Variants in PER3 observed in about 807,000 individuals in gnomAD.
The protein encoded by PER3 is period circadian protein homolog 3.
PER3 carries 107 observed loss-of-function variants against 127.2 expected under a neutral mutation model. The observed-to-expected ratio is 0.84, with a 90% CI of 0.72 to 0.99. The LOEUF (loss-of-function observed/expected upper bound fraction) is 0.99. PER3 is among the 50% of genes least tolerant of loss of function. The pLI is 0.00. For synonymous variants in PER3, 618 were observed against 585.8 expected (o/e 1.05, Z -0.79); for missense variants, 1,560 against 1,525.8 (o/e 1.02, Z -0.37).
At chr1:7,820,065 GC>G in intron 14 of PER3, 49 bp from the exon 15 acceptor site, 1 of 1,582,432 alleles carries the variant, frequency 6.3e-7, no homozygotes, top group Non-Finnish European at 8.6e-7. Flanking sequence ...GTGGGAAATG[GC>G]ACAATTAGGG....
chr1:7,836,940 C>T (rs565032955), intron 20 of PER3, 59 bp from the exon 21 acceptor site: 76 of 1,386,540 alleles, frequency 5.5e-5, no homozygotes, highest in African/African-American at 1.0e-4. Context: ...TCCTAGATGA[C>T]GGGAAAAGAA....
Position 7,819,346 on chromosome 1 carries a change from G to A in PER3, c.1584G>A (p.Glu528=), listed in dbSNP as rs1264829659. The A allele has an allele frequency of 8.1e-6, 13 of 1,613,480 alleles. No homozygotes were observed. Among genetic ancestry groups the A allele is most frequent in the Non-Finnish European group, 1.1e-5 (13 of 1,179,530 alleles). ...QTLKNNSVYT[E]PCEDLRNDEH... ...TGAAAAACAATAGTGTGTACACTGAGCCCTGTGAGGATTTGAGGAACGATG... is the reference window on the plus strand; with the variant it reads ...TGAAAAACAATAGTGTGTACACTGAACCCTGTGAGGATTTGAGGAACGATG... The change falls in exon 14 of 22, where the codon GAG becomes GAA. Residue 528 remains glutamate, a synonymous_variant. Coordinates refer to ENST00000377532, the MANE Select transcript of PER3 (RefSeq NM_001377275.1).
intron 21 of PER3, among the ~76,000 whole-genome samples, chr1:7,841,371 G>A (rs2097387306): frequency 6.6e-6 from 1 of 151,864 alleles, no homozygotes; most frequent in African/African-American, 2.4e-5. Flanking sequence ...CCTTTCCCAG[G>A]GCTTATTGAT....
intron 20 of PER3, 147 bp downstream of exon 20, chr1:7,836,092 G>A (rs2097357008): frequency 3.5e-6 from 2 of 572,548 alleles, no homozygotes; most frequent in African/African-American, 1.9e-5. Flanking sequence ...CCATCTCCTG[G>A]GTTCAAGCGA....
intron 16 of PER3, among the ~76,000 whole-genome samples, chr1:7,822,227 G>A (rs534354446): frequency 4.0e-5 from 6 of 151,364 alleles, no homozygotes; most frequent in Non-Finnish European, 8.8e-5. Context: ...GCAACATGGT[G>A]AGACTCTGTC....
intron 21 of PER3, among the ~76,000 whole-genome samples, chr1:7,838,427 G>A (rs1166910854): frequency 6.7e-6 from 1 of 149,586 alleles, no homozygotes; most frequent in Non-Finnish European, 1.5e-5. Context: ...CTTTTTTTTT[G>A]AGACAAAGTT....
In PER3 at chr1:7,820,365, A is replaced by G. The variant is rs116330570; in HGVS notation, c.1784-102A>G. ...TTCATATTACCTCTTTATGACAGTA[A>G]GGTTTAATTTCTCAGTTACAAACTT... On this transcript the variant is annotated intron_variant, in intron 15 of 21. Transcript: ENST00000377532. The G allele has an allele frequency of 1.5e-3, 2,164 of 1,402,038 alleles. 35 individuals carry two copies. The African/African-American group carries it at 0.027, about 17-fold the overall frequency. 86.8% of individuals were successfully genotyped at this position (1,402,038 alleles called of 1,614,324 possible).
chr1:7,819,334 T>C lies in PER3; in HGVS notation c.1572T>C (p.Ser524=). 1.9e-6 allele frequency: 3 copies of C among 1,613,506 alleles called. No homozygotes were observed. The highest frequency in any genetic ancestry group is 2.5e-6 in the Non-Finnish European group (3 of 1,179,444). Residue 524 remains serine (S), a synonymous_variant, in exon 14 of 22, where the codon AGT becomes AGC. Transcript: ENST00000377532. ...TSFHQTLKNN[S]VYTEPCEDLR... ...TCCACCAAACACTGAAAAACAATAG[T>C]GTGTACACTGAGCCCTGTGAGGATT... is the stretch of plus-strand genomic sequence containing the variant.
At chr1:7,811,040 T>C (rs1203793343) in intron 13 of PER3, among the ~76,000 whole-genome samples, 1 of 152,226 alleles carries the variant, frequency 6.6e-6, no homozygotes, top group Non-Finnish European at 1.5e-5. Flanking sequence ...TATTTACTTT[T>C]CTCAAATACA....
chr1:7,785,719 A>ACCACCGAG, intron 3 of PER3, 133 bp downstream of exon 3: 2 of 653,846 alleles, frequency 3.1e-6, no homozygotes, highest in African/African-American at 1.8e-5. Context: ...AAGATGAGCA[A>ACCACCGAG]ATCTACACCG....
At chr1:7,810,904 G>T (rs905951284) in intron 13 of PER3, among the ~76,000 whole-genome samples, 2 of 152,128 alleles carry the variant, frequency 1.3e-5, no homozygotes, top group Non-Finnish European at 2.9e-5. Context: ...TAAACAAAAA[G>T]AGTGGATTTT....
At chr1:7,821,524 G>A (rs951544415) in intron 16 of PER3, among the ~76,000 whole-genome samples, 1 of 152,202 alleles carries the variant, frequency 6.6e-6, no homozygotes, top group African/African-American at 2.4e-5. Context: ...ACATTTTTTA[G>A]TGTGCCTTTT....
chr1:7,832,929 T>C (rs751357205), intron 19 of PER3, among the ~76,000 whole-genome samples: 1 of 151,698 alleles, frequency 6.6e-6, no homozygotes, highest in Non-Finnish European at 1.5e-5. Context: ...CCCTCAAACT[T>C]CTGGGTTCAA....
intron 1 of PER3, 28 bp from the exon 2 acceptor site, chr1:7,784,619 ATTTGTCC>A (rs1291944645): frequency 1.7e-5 from 6 of 363,608 alleles, no homozygotes; most frequent in East Asian, 4.6e-5. Flanking sequence ...TGTCTGTTCC[ATTTGTCC>A]CTTGTCACCC....
At chr1:7,822,785 A>G (rs759784844) in intron 16 of PER3, among the ~76,000 whole-genome samples, 1 of 152,202 alleles carries the variant, frequency 6.6e-6, no homozygotes, top group Non-Finnish European at 1.5e-5. Context: ...TGGGCCAAGC[A>G]TAGTGGTTCA....
intron 15 of PER3, 30 bp downstream of exon 15, chr1:7,820,269 C>A: frequency 6.3e-7 from 1 of 1,599,790 alleles, no homozygotes; most frequent in South Asian, 1.1e-5. Flanking sequence ...GAGTTAAATT[C>A]AAAGAACTGT....
Position 7,827,129 on chromosome 1 carries a change from TC to T in PER3, c.2202del (p.Lys735SerfsTer122). The part of the protein sequence containing the change: ...KYSYFQGDST[S>X]KQTRSAGCRK... Reference sequence around the variant, plus strand: ...CTTTATCCTTCCAGGAGATTCTACTTCCAAGCAGACGCGGTCGGCCGGCTGC... The same window carrying T: ...CTTTATCCTTCCAGGAGATTCTACTTCAAGCAGACGCGGTCGGCCGGCTGC... On this transcript the variant is annotated frameshift_variant, in exon 18 of 22. Transcript: ENST00000377532. LOFTEE classifies it high-confidence loss of function. 1.3e-6 allele frequency: 2 copies of T among 1,594,084 alleles called. No homozygotes were observed. The highest frequency in any genetic ancestry group is 1.7e-6 in the Non-Finnish European group (2 of 1,171,168).
chr1:7,808,820 G>A (rs1409168238), intron 10 of PER3, 73 bp from the exon 11 acceptor site: 1 of 793,978 alleles, frequency 1.3e-6, no homozygotes, highest in Non-Finnish European at 2.2e-6. Context: ...TCTATTCTTG[G>A]AATAGTCTAT....
intron 8 of PER3, 142 bp from the exon 9 acceptor site, chr1:7,802,905 T>A (rs895782683): frequency 3.1e-6 from 2 of 650,154 alleles, no homozygotes; most frequent in Non-Finnish European, 5.6e-6. Context: ...GCACTTGGGT[T>A]CTTTGCTGTT....
Sources: gnomAD v4.1 joint callset for allele counts (sites outside exome capture counted in the v4.1 genomes callset) on GRCh38, gnomAD v4.1.1 for gene constraint, MANE v1.5 for transcripts, NCBI Gene and HGNC (gene_info 2026-07-23, HGNC 2026-07-21) for gene names.